PCBP3: variants seen among roughly 807,000 people sequenced by gnomAD.
PCBP3 encodes the protein poly(rC)-binding protein 3.
PCBP3 carries 25 observed loss-of-function variants against 52.7 expected under a neutral mutation model. The observed-to-expected ratio is 0.47, with a 90% CI of 0.35 to 0.66. PCBP3 has a LOEUF of 0.66. Ranked by LOEUF, PCBP3 falls within the 30% of genes least tolerant of loss-of-function variation. The probability of loss-of-function intolerance (pLI) is 0.01; values close to 1 mark genes in which losing one functional copy is unlikely to be tolerated. For missense variants in PCBP3, 391 were observed against 490.3 expected (o/e 0.80, Z 1.91); for synonymous variants, 162 against 183.0 (o/e 0.89, Z 0.93).
At position 45,737,718 on chromosome 21, in the gene PCBP3, C is replaced by CT. The variant is rs958267410; in HGVS notation, c.-162+2293dup. 9.2e-5 allele frequency among the ~76,000 whole-genome samples: 14 copies of CT among 152,188 alleles called. No individual in the cohort carries two copies. The highest frequency in any genetic ancestry group is 1.9e-4 in the Non-Finnish European group (13 of 68,028). On this transcript the variant is annotated intron_variant, in intron 3 of 17. Transcript: ENST00000681687. This position sits in a 1 kb window ranked among gnomAD's most constrained non-coding sequence, Gnocchi z 4.9. Reference sequence around the variant, plus strand: ...GCCTTCGTTCAGTACAGACAGGGAACTTTTATAGGTACCTGTGGCCTCTTC... The same window carrying CT: ...GCCTTCGTTCAGTACAGACAGGGAACTTTTTATAGGTACCTGTGGCCTCTTC...
chr21:45,776,556 G>GTATA (rs144526189), intron 4 of PCBP3, among the ~76,000 whole-genome samples: 7 of 149,698 alleles, frequency 4.7e-5, no homozygotes, highest in Admixed American at 1.3e-4. Context: ...CTGGTGTTGG[G>GTATA]TATATATATA....
chr21:45,796,538 T>C (rs2091928732), intron 4 of PCBP3, among the ~76,000 whole-genome samples: 1 of 152,180 alleles, frequency 6.6e-6, no homozygotes, highest in South Asian at 2.1e-4. Context: ...TTTTGTCTGT[T>C]GTGTTTATTT....
chr21:45,941,128 C>T (rs905037837), intron 17 of PCBP3, among the ~76,000 whole-genome samples: 1 of 124,398 alleles, frequency 8.0e-6, no homozygotes, highest in Non-Finnish European at 1.7e-5. Flanking sequence ...GATCCAGAGC[C>T]AGGTTGGGCC....
intron 3 of PCBP3, among the ~76,000 whole-genome samples, chr21:45,748,647 C>G (rs2087127958): frequency 6.6e-6 from 1 of 152,386 alleles, no homozygotes; most frequent in Admixed American, 6.5e-5. Flanking sequence ...CATGTACCTT[C>G]TTTGCTGAGC....
chr21:45,787,237 C>T (rs907278234), intron 4 of PCBP3, among the ~76,000 whole-genome samples: 3 of 152,020 alleles, frequency 2.0e-5, no homozygotes, highest in Non-Finnish European at 4.4e-5. Flanking sequence ...TGGATCTTGA[C>T]GTTTCATCTG....
Position 45,917,770 on chromosome 21 carries a change from T to A in PCBP3, c.717+141T>A. The A allele has an allele frequency of 2.6e-6, 2 of 764,846 alleles. No individual in the cohort carries two copies. The highest frequency in any genetic ancestry group is 1.4e-5 in the South Asian group (1 of 70,496). 47.4% of individuals were successfully genotyped at this position (764,846 alleles called of 1,614,324 possible). A position where few individuals can be genotyped will look rare whatever the true frequency, so the allele number is the denominator to read the frequency against. Reference sequence around the variant, plus strand: ...CTCAGCGTTCCTGACCTGTGTCGTATCCATATGACCTCGAATAACCTTTTA... The same window carrying A: ...CTCAGCGTTCCTGACCTGTGTCGTAACCATATGACCTCGAATAACCTTTTA... On this transcript the variant is annotated intron_variant, in intron 13 of 17. Coordinates refer to ENST00000681687, the MANE Select transcript of PCBP3 (RefSeq NM_001384156.1). The surrounding 1 kb of genome is among the most constrained non-coding windows in gnomAD (Gnocchi z 5.3).
At chr21:45,777,242 C>T (rs1341826785) in intron 4 of PCBP3, among the ~76,000 whole-genome samples, 1 of 152,024 alleles carries the variant, frequency 6.6e-6, no homozygotes, top group East Asian at 1.9e-4. Context: ...ATATATCATC[C>T]CATTCTCTTC....
intron 4 of PCBP3, among the ~76,000 whole-genome samples, chr21:45,799,434 T>G (rs953527443): frequency 5.4e-5 from 8 of 147,080 alleles, no homozygotes; most frequent in Non-Finnish European, 1.2e-4. Flanking sequence ...ATTGTTCTGT[T>G]TTATTATTGT....
chr21:45,700,949 G>A (rs541132856), intron 2 of PCBP3, among the ~76,000 whole-genome samples: 7 of 152,220 alleles, frequency 4.6e-5, no homozygotes, highest in African/African-American at 1.7e-4. Context: ...AAAATCATCT[G>A]CAGTATCCCT....
At position 45,704,846 on chromosome 21, in the gene PCBP3, A is replaced by AGACG. The variant is rs202186214; in HGVS notation, c.-199-30545_-199-30542dup. Among the ~76,000 whole-genome samples the AGACG allele has an allele frequency of 4.9e-3, 746 of 152,356 alleles. 5 individuals are homozygous for AGACG. Among genetic ancestry groups the AGACG allele is most frequent in the African/African-American group, 0.016 (684 of 41,584 alleles). On this transcript the variant is annotated intron_variant, in intron 2 of 17. Coordinates refer to ENST00000681687, the MANE Select transcript of PCBP3 (RefSeq NM_001384156.1). This position sits in a 1 kb window ranked among gnomAD's most constrained non-coding sequence, Gnocchi z 4.1. ...GAGAGTGATGTGATACAGTGCAGGTAGACGACACAGGGCGCTGCTGTCTGC... is the reference window on the plus strand; with the variant it reads ...GAGAGTGATGTGATACAGTGCAGGTAGACGGACGACACAGGGCGCTGCTGTCTGC...
chr21:45,803,984 G>T (rs565653153), intron 4 of PCBP3, among the ~76,000 whole-genome samples: 1 of 152,202 alleles, frequency 6.6e-6, no homozygotes, highest in Admixed American at 6.5e-5. Context: ...CCTTGGGGGC[G>T]TCCTGGCACT....
intron 5 of PCBP3, among the ~76,000 whole-genome samples, chr21:45,883,522 C>G (rs1313059374): frequency 1.3e-5 from 2 of 152,142 alleles, no homozygotes; most frequent in African/African-American, 4.8e-5. Flanking sequence ...TTATATTTTT[C>G]TTTTCACTAC....
rs1289368798 is a variant in PCBP3 at position 45,911,127 on chromosome 21, T to A, written c.600+97T>A. On this transcript the variant is annotated intron_variant, in intron 11 of 17. Transcript: ENST00000681687. ...TGGAAGCCCCGGTCGCCCCAAGGAC[T>A]CACACAGTTGGGGCTGTGGGGGGCT... is the stretch of plus-strand genomic sequence containing the variant. 4 of 1,403,198 alleles carry A rather than the reference T, an allele frequency of 2.9e-6. No individual in the cohort carries two copies. The African/African-American group carries it at 5.6e-5, about 20-fold the overall frequency. The allele number at this position is 1,403,198 out of a possible 1,614,324, so 86.9% of individuals were successfully genotyped here.
chr21:45,741,212 G>A lies in PCBP3; in HGVS notation c.-162+5783G>A, dbSNP rs2086423126. On this transcript the variant is annotated intron_variant, in intron 3 of 17. Transcript: ENST00000681687. This position sits in a 1 kb window ranked among gnomAD's most constrained non-coding sequence, Gnocchi z 4.5. ...GGGCTGGAGGGTGATGTCGGGATGA[G>A]TGGGTCTGCAGTGGTCGGCCCCATG... Among the ~76,000 whole-genome samples the A allele has an allele frequency of 6.6e-6, 1 of 152,208 alleles. No individual in the cohort carries two copies. The highest frequency in any genetic ancestry group is 2.1e-4 in the South Asian group (1 of 4,828).
At chr21:45,865,014 T>C (rs1569362643) in intron 5 of PCBP3, among the ~76,000 whole-genome samples, 1 of 152,246 alleles carries the variant, frequency 6.6e-6, no homozygotes, top group Non-Finnish European at 1.5e-5. Flanking sequence ...TCATGTAATA[T>C]TTCTAAAGGA....
rs2073722983 is a variant in PCBP3, at chr21:45,917,698, G to A, written c.717+69G>A. ...GTTGTTTACCTACCTGCATGCTGCT[G>A]TTAATTGCTACTAACATTAATATTA... On this transcript the variant is annotated intron_variant, in intron 13 of 17. Transcript: ENST00000681687. The surrounding 1 kb of genome is among the most constrained non-coding windows in gnomAD (Gnocchi z 5.3). The A allele has an allele frequency of 1.7e-6, 2 of 1,157,028 alleles. No homozygotes were observed. Among genetic ancestry groups the A allele is most frequent in the East Asian group, 2.3e-5 (1 of 42,844 alleles). 71.7% of individuals were successfully genotyped at this position (1,157,028 alleles called of 1,614,324 possible).
At chr21:45,818,337 C>T (rs903481431) in intron 4 of PCBP3, among the ~76,000 whole-genome samples, 2 of 152,102 alleles carry the variant, frequency 1.3e-5, no homozygotes, top group Non-Finnish European at 2.9e-5. Flanking sequence ...TTGTTATTCA[C>T]GGATGGTCAT....
chr21:45,669,591 C>T (rs939787601), intron 2 of PCBP3, among the ~76,000 whole-genome samples: 2 of 151,774 alleles, frequency 1.3e-5, no homozygotes, highest in African/African-American at 2.4e-5. Context: ...AACTCCCTCT[C>T]CCAAACCCCT....
At chr21:45,898,899 T>C (rs1289882773) in intron 6 of PCBP3, among the ~76,000 whole-genome samples, 1 of 11,272 alleles carries the variant, frequency 8.9e-5, no homozygotes, top group African/African-American at 6.7e-4. Flanking sequence ...CTTCCTCTTT[T>C]TCCACAGACC....
Sources: allele counts gnomAD v4.1 joint callset (sites outside exome capture counted in the v4.1 genomes callset), GRCh38; gene constraint gnomAD v4.1.1; non-coding constraint Gnocchi (gnomAD v3.1); transcripts MANE v1.5; gene names NCBI Gene and HGNC (gene_info 2026-07-23, HGNC 2026-07-21).